The following CLSPN variants were observed in gnomAD, a reference collection of about 807,000 sequenced individuals.
CLSPN encodes claspin.
A neutral mutation model predicts 156.3 loss-of-function variants in CLSPN; 85 were observed. The observed-to-expected ratio is 0.54, with a 90% confidence interval of 0.46 to 0.65. The LOEUF is 0.65. CLSPN is among the 30% of genes least tolerant of loss of function. The probability of loss-of-function intolerance (pLI) is 0.00; values close to 1 mark genes in which losing one functional copy is unlikely to be tolerated. For synonymous variants in CLSPN, 534 were observed against 542.4 expected, an observed-to-expected ratio of 0.98 and a Z score of 0.22; for missense variants, 1,407 against 1,554.9, an observed-to-expected ratio of 0.90 and a Z score of 1.60.
chr1:35,764,366 G>C lies in CLSPN; in HGVS notation c.482C>G (p.Thr161Ser), dbSNP rs921437490. The C allele has an allele frequency of 6.2e-7, 1 of 1,610,650 alleles. No homozygotes were observed. Among genetic ancestry groups the C allele is most frequent in the African/African-American group, 1.3e-5 (1 of 74,708 alleles). ...SKKHIHDKEG[T>S]AGKAKVKSKR... ...TGATTTTACTTTTGCTTTTCCTGCA[G>C]TTCCTTCTTTATCATGTATGTGCTT... The change falls in exon 3 of 25, where the codon ACT (threonine) becomes AGT (serine). Residue 161 changes from threonine to serine, a missense_variant. Physicochemically the swap from Thr to Ser is moderately conservative, Grantham distance 58. Coordinates refer to ENST00000318121, the MANE Select transcript of CLSPN (RefSeq NM_022111.4).
chr1:35,730,642 G>A (rs972440995), downstream of CLSPN, among the ~76,000 whole-genome samples: 14 of 150,514 alleles, frequency 9.3e-5, no homozygotes, highest in Admixed American at 2.0e-4. Context: ...AGTGGTAATG[G>A]TCAGAGAAGG....
At chr1:35,742,678 A>AT (rs1641733419) in intron 18 of CLSPN, among the ~76,000 whole-genome samples, 2 of 150,632 alleles carry the variant, frequency 1.3e-5, no homozygotes, top group Non-Finnish European at 3.0e-5. Flanking sequence ...TGTGCCTGGC[A>AT]TAAGATAATA....
intron 9 of CLSPN, 47 bp from the exon 10 acceptor site, chr1:35,751,553 G>C (rs1642088108): frequency 6.4e-7 from 1 of 1,562,200 alleles, no homozygotes; most frequent in Non-Finnish European, 8.6e-7. Flanking sequence ...ACAATAATTA[G>C]GTATGCATTT....
chr1:35,768,970 G>A (rs1399320205), intron 1 of CLSPN, among the ~76,000 whole-genome samples: 4 of 152,056 alleles, frequency 2.6e-5, no homozygotes, highest in Non-Finnish European at 5.9e-5. Context: ...CAGCTCATGA[G>A]GTAAATAATA....
chr1:35,755,079 G>T (rs1024185418), intron 8 of CLSPN, among the ~76,000 whole-genome samples: 1 of 151,968 alleles, frequency 6.6e-6, no homozygotes, highest in Non-Finnish European at 1.5e-5. Flanking sequence ...ATTTTCAGGC[G>T]GCCTTCTCGT....
chr1:35,761,285 T>C, intron 6 of CLSPN, 81 bp from the exon 7 acceptor site: 1 of 878,060 alleles, frequency 1.1e-6, no homozygotes, highest in South Asian at 2.0e-5. Context: ...CTAAACATAA[T>C]AACCAAAGCC....
intron 24 of CLSPN, among the ~76,000 whole-genome samples, chr1:35,724,034 G>A (rs180847772): frequency 6.6e-6 from 1 of 152,252 alleles, no homozygotes; most frequent in African/African-American, 2.4e-5. Flanking sequence ...ACAATGTAAT[G>A]GGCCCTGCAA....
chr1:35,734,982 AT>A lies in CLSPN; in HGVS notation c.*1513del. ...AATGATGGCAATTCTCTTCAATAAT[AT>A]TTTTATTAAATTCCATGGTGGCCTT... On this transcript the variant is annotated 3_prime_UTR_variant, in exon 25 of 25. Coordinates refer to ENST00000318121, the MANE Select transcript of CLSPN (RefSeq NM_022111.4). The A allele has an allele frequency of 1.0e-6, 1 of 985,384 alleles. No individual in the cohort carries two copies. Among genetic ancestry groups the A allele is most frequent in the Non-Finnish European group, 1.2e-6 (1 of 829,888 alleles). The allele number at this position is 985,384 out of a possible 1,614,324, so 61.0% of individuals were successfully genotyped here. A position where few individuals can be genotyped will look rare whatever the true frequency, so the allele number is the denominator to read the frequency against.
At chr1:35,762,580 A>G (rs779502276) in intron 4 of CLSPN, 99 bp from the exon 5 acceptor site, 7 of 793,782 alleles carry the variant, frequency 8.8e-6, no homozygotes, top group African/African-American at 3.5e-5. Flanking sequence ...ACATCATGCT[A>G]CATTAATAAA....
intron 16 of CLSPN, 135 bp from the exon 17 acceptor site, chr1:35,743,665 A>G (rs1156869246): frequency 1.6e-6 from 1 of 640,682 alleles, no homozygotes; most frequent in Non-Finnish European, 2.7e-6. Flanking sequence ...GGTCTCTTAC[A>G]CCACCTGGAA....
At chr1:35,761,234 A>ACAG in intron 6 of CLSPN, 30 bp from the exon 7 acceptor site, 1 of 1,264,324 alleles carries the variant, frequency 7.9e-7, no homozygotes, top group Non-Finnish European at 1.2e-6. Context: ...AAGCAAATAT[A>ACAG]TATACTGTAT....
At chr1:35,744,696 C>T (rs1302979403) in intron 16 of CLSPN, among the ~76,000 whole-genome samples, 1 of 152,184 alleles carries the variant, frequency 6.6e-6, no homozygotes, top group Non-Finnish European at 1.5e-5. Flanking sequence ...GTTTTGACTA[C>T]TTACTGTGAA....
In CLSPN at chr1:35,733,318, T is replaced by TTG; in HGVS notation, c.*3177_*3178insCA. On this transcript the variant is annotated 3_prime_UTR_variant, in exon 25 of 25. Transcript: ENST00000318121. ...CTCAGGCACTAATTTTCTTTTTTTTTTCTTTTTTTTTTTTTTTTTAGAGTT... is the reference window on the plus strand; with the variant it reads ...CTCAGGCACTAATTTTCTTTTTTTTTTGTCTTTTTTTTTTTTTTTTTAGAGTT... 4.8e-6 allele frequency: 1 copy of TTG among 209,138 alleles called. No individual in the cohort carries two copies. Among genetic ancestry groups the TTG allele is most frequent in the Non-Finnish European group, 7.4e-6 (1 of 135,856 alleles). 13.0% of individuals were successfully genotyped at this position (209,138 alleles called of 1,614,324 possible).
At chr1:35,762,851 G>T (rs1200360744) in intron 4 of CLSPN, among the ~76,000 whole-genome samples, 4 of 151,782 alleles carry the variant, frequency 2.6e-5, no homozygotes, top group Non-Finnish European at 5.9e-5. Flanking sequence ...TTTCTCAAAG[G>T]CTATAGGATT....
At chr1:35,759,962 T>A (rs2148624828) in intron 8 of CLSPN, among the ~76,000 whole-genome samples, 1 of 151,454 alleles carries the variant, frequency 6.6e-6, no homozygotes, top group Middle Eastern at 3.4e-3. Flanking sequence ...GCCTCCCGAG[T>A]AGCTAGGACT....
intron 24 of CLSPN, among the ~76,000 whole-genome samples, chr1:35,723,237 A>G (rs1017439770): frequency 1.3e-5 from 2 of 152,218 alleles, no homozygotes; most frequent in Non-Finnish European, 2.9e-5. Flanking sequence ...CAGGAACTTA[A>G]GTGGCAAGGA....
At position 35,748,475 on chromosome 1, in the gene CLSPN, G is replaced by A. The variant is rs765815413; in HGVS notation, c.2402C>T (p.Pro801Leu). The A allele has an allele frequency of 1.2e-6, 2 of 1,614,044 alleles. No homozygotes were observed. The highest frequency in any genetic ancestry group is 1.6e-4 in the Middle Eastern group (1 of 6,084). The stretch of plus-strand genomic sequence containing the variant: ...AGGAGATCTGAATCCTCCTGCTGTA[G>A]GGAAAAAACTGGTCCCACGGCCTGT... ...RQTGRGTSFF[P>L]TAGGFRSPSP... Residue 801 changes from proline to leucine, a missense_variant, in exon 13 of 25, where the codon CCT becomes CTT. Pro to Leu is a moderately conservative substitution (Grantham distance 98). Around this residue, in one of 3 missense-constraint regions of CLSPN, gnomAD observed 1,096 missense variants for 1,193.0 expected, o/e 0.92. Transcript: ENST00000318121.
chr1:35,753,970 C>T (rs762413045), intron 8 of CLSPN, 34 bp from the exon 9 acceptor site: 1 of 1,600,910 alleles, frequency 6.2e-7, no homozygotes, highest in Non-Finnish European at 8.5e-7. Context: ...TGTCAGTTTG[C>T]CATGCTCAAA....
chr1:35,748,972 C>G (rs752066433), intron 12 of CLSPN: 1 of 320,002 alleles, frequency 3.1e-6, no homozygotes, highest in Non-Finnish European at 6.0e-6. Flanking sequence ...ACTACAGGCG[C>G]GTGCCACCAC....
Sources: gnomAD v4.1 joint callset for allele counts (sites outside exome capture counted in the v4.1 genomes callset) on GRCh38, gnomAD v4.1.1 for gene constraint, gnomAD v4.1.1 regional missense constraint, MANE v1.5 for transcripts, NCBI Gene and HGNC (gene_info 2026-07-23, HGNC 2026-07-21) for gene names.